RPS6KC1: variants seen among roughly 807,000 people sequenced by gnomAD.
RPS6KC1 encodes the protein inactive ribosomal protein S6 kinase delta-1.
A neutral mutation model predicts 103.8 loss-of-function variants in RPS6KC1; 54 were observed. That is an observed-to-expected ratio of 0.52 (90% confidence interval 0.42 to 0.65). The LOEUF is 0.65. Among genes scored for constraint, RPS6KC1 ranks in the 30% least tolerant of loss-of-function variants. The pLI is 0.00. For missense variants in RPS6KC1, 1,151 were observed against 1,253.8 expected, an observed-to-expected ratio of 0.92 and a Z score of 1.24; for synonymous variants, 439 against 438.7, an observed-to-expected ratio of 1.00 and a Z score of -0.01.
chr1:213,086,454 A>G (rs1344126717), intron 3 of RPS6KC1, among the ~76,000 whole-genome samples: 2 of 152,222 alleles, frequency 1.3e-5, no homozygotes, highest in Non-Finnish European at 2.9e-5. Flanking sequence ...TTACAGCCAC[A>G]TTGCCTCCAA....
chr1:213,155,477 C>G (rs2089774992), intron 6 of RPS6KC1, among the ~76,000 whole-genome samples: 1 of 152,090 alleles, frequency 6.6e-6, no homozygotes, highest in African/African-American at 2.4e-5. Context: ...TTTAAATGCT[C>G]CCATCTTGGG....
the RPS6KC1 span, among the ~76,000 whole-genome samples, chr1:213,291,890 T>A: frequency 1.3e-4 from 20 of 152,208 alleles, no homozygotes; most frequent in South Asian, 2.1e-3. Context: ...GTCTAACGTT[T>A]AAGTCTTTAA....
the RPS6KC1 span, among the ~76,000 whole-genome samples, chr1:213,632,525 A>T: frequency 9.2e-5 from 14 of 152,250 alleles, no homozygotes; most frequent in African/African-American, 2.7e-4. Flanking sequence ...CATCCACACC[A>T]AAACCCCATC....
chr1:213,724,003 C>T, the RPS6KC1 span, among the ~76,000 whole-genome samples: 1 of 152,144 alleles, frequency 6.6e-6, no homozygotes, highest in South Asian at 2.1e-4. Context: ...AGTGAAATTG[C>T]CCATGAAGGG....
At chr1:213,191,572 T>A (rs753958720) in intron 8 of RPS6KC1, among the ~76,000 whole-genome samples, 2 of 152,212 alleles carry the variant, frequency 1.3e-5, no homozygotes, top group Non-Finnish European at 2.9e-5. Context: ...TGTAAAATCA[T>A]ATCCTCTGTA....
the RPS6KC1 span, among the ~76,000 whole-genome samples, chr1:213,450,276 G>A: frequency 6.7e-6 from 1 of 150,138 alleles, no homozygotes; most frequent in Non-Finnish European, 1.5e-5. Context: ...GCTTGCGATT[G>A]TATTTTCTCA....
the RPS6KC1 span, among the ~76,000 whole-genome samples, chr1:213,625,476 C>A: frequency 6.6e-6 from 1 of 151,780 alleles, no homozygotes; most frequent in Non-Finnish European, 1.5e-5. Flanking sequence ...ATGTGCACAA[C>A]GTGCAGGTTT....
At chr1:213,360,123 G>T in the RPS6KC1 span, among the ~76,000 whole-genome samples, 1 of 152,182 alleles carries the variant, frequency 6.6e-6, no homozygotes, top group African/African-American at 2.4e-5. Flanking sequence ...GGTTGGGGAA[G>T]TTCTCCTGTA....
intron 14 of RPS6KC1, among the ~76,000 whole-genome samples, chr1:213,270,610 T>C (rs2095025940): frequency 6.6e-6 from 1 of 151,980 alleles, no homozygotes; most frequent in Non-Finnish European, 1.5e-5. Flanking sequence ...ACCCCGCCTC[T>C]ATGAATAAAT....
the RPS6KC1 span, among the ~76,000 whole-genome samples, chr1:213,702,451 T>C: frequency 6.6e-6 from 1 of 152,046 alleles, no homozygotes; most frequent in Non-Finnish European, 1.5e-5. Flanking sequence ...TAGTGCAGAT[T>C]AAGCTTAATA....
At chr1:213,185,109 A>G (rs760814370) in intron 8 of RPS6KC1, among the ~76,000 whole-genome samples, 21 of 152,206 alleles carry the variant, frequency 1.4e-4, no homozygotes, top group African/African-American at 3.4e-4. Flanking sequence ...TTGTATTGCA[A>G]TCTGTCTTTT....
At chr1:213,137,266 T>C (rs1357031768) in intron 6 of RPS6KC1, among the ~76,000 whole-genome samples, 1 of 151,930 alleles carries the variant, frequency 6.6e-6, no homozygotes, top group Non-Finnish European at 1.5e-5. Flanking sequence ...TTACCAAGGC[T>C]CTCACTTTTT....
the RPS6KC1 span, among the ~76,000 whole-genome samples, chr1:213,702,965 C>G: frequency 6.6e-6 from 1 of 151,890 alleles, no homozygotes; most frequent in Non-Finnish European, 1.5e-5. Flanking sequence ...TTACTCCTAC[C>G]ATTTTGTTAT....
chr1:213,403,581 C>A, the RPS6KC1 span, among the ~76,000 whole-genome samples: 1 of 152,146 alleles, frequency 6.6e-6, no homozygotes, highest in African/African-American at 2.4e-5. Context: ...TTCCTATTTG[C>A]AGCCTTGATG....
intron 8 of RPS6KC1, among the ~76,000 whole-genome samples, chr1:213,218,668 CAG>C (rs1558563571): frequency 1.3e-5 from 2 of 152,166 alleles, no homozygotes; most frequent in African/African-American, 2.4e-5. Flanking sequence ...GGTACCAAAA[CAG>C]AGATATAGAC....
chr1:213,545,872 C>T, the RPS6KC1 span, among the ~76,000 whole-genome samples: 8 of 152,148 alleles, frequency 5.3e-5, no homozygotes, highest in Non-Finnish European at 1.0e-4. Context: ...TGTGTGTTCC[C>T]GGACAGCTCT....
chr1:213,154,678 C>T (rs1269743547), intron 6 of RPS6KC1, among the ~76,000 whole-genome samples: 5 of 152,190 alleles, frequency 3.3e-5, no homozygotes, highest in Admixed American at 1.3e-4. Flanking sequence ...AGGGCAGGTC[C>T]GGAAATGCTG....
intron 8 of RPS6KC1, among the ~76,000 whole-genome samples, chr1:213,204,397 T>TA (rs1381331649): frequency 2.6e-5 from 4 of 152,238 alleles, no homozygotes; most frequent in Non-Finnish European, 5.9e-5. Context: ...AGTTTCTTTT[T>TA]AATAACCAGA....
the RPS6KC1 span, among the ~76,000 whole-genome samples, chr1:213,297,931 T>C: frequency 6.6e-6 from 1 of 152,216 alleles, no homozygotes; most frequent in South Asian, 2.1e-4. Context: ...GGTTTGGTTT[T>C]GATGTTAATT....
Sources: allele counts gnomAD v4.1 joint callset (sites outside exome capture counted in the v4.1 genomes callset), GRCh38; gene constraint gnomAD v4.1.1; transcripts MANE v1.5; gene names NCBI Gene and HGNC (gene_info 2026-07-23, HGNC 2026-07-21).